The following GALR1 variants were observed in gnomAD, a reference collection of about 807,000 sequenced individuals.
The protein encoded by GALR1 is galanin receptor type 1.
A neutral mutation model predicts 17.9 loss-of-function variants in GALR1; 11 were observed. That is an observed-to-expected ratio of 0.62 (90% CI 0.39 to 1.02). The LOEUF (loss-of-function observed/expected upper bound fraction) is 1.02, where lower values mean the gene tolerates loss of function less well. Ranked by LOEUF, GALR1 falls within the 50% of genes least tolerant of loss-of-function variation. GALR1 has a pLI of 0.01. For missense variants in GALR1, 441 were observed against 456.9 expected (o/e 0.97, Z 0.32); for synonymous variants, 206 against 205.7 (o/e 1.00, Z -0.01).
chr18:77,268,241 G>C (rs1243955998), intron 2 of GALR1, among the ~76,000 whole-genome samples: 1 of 151,894 alleles, frequency 6.6e-6, no homozygotes, highest in Admixed American at 6.6e-5. Context: ...GAACAGTTTT[G>C]CTAGTTTAAA....
At chr18:77,262,257 G>T (rs1159742853) in intron 2 of GALR1, among the ~76,000 whole-genome samples, 2 of 151,976 alleles carry the variant, frequency 1.3e-5, no homozygotes, top group East Asian at 1.9e-4. Flanking sequence ...TTGAGGATGG[G>T]CATACTAACC....
Position 77,270,375 on chromosome 18 carries a change from T to A in GALR1, c.*1473T>A, listed in dbSNP as rs932826350. The A allele has an allele frequency of 2.6e-5, 4 of 152,126 alleles. No homozygotes were observed. Among genetic ancestry groups the A allele is most frequent in the African/African-American group, 9.7e-5 (4 of 41,372 alleles). The allele number at this position is 152,126 out of a possible 1,614,324, so 9.4% of individuals were successfully genotyped here. ...ACTAAAAATACAAAAATTAGCTGGGTGTGGTGGCGCACGCCTGTAGTTTCA... is the reference window on the plus strand; with the variant it reads ...ACTAAAAATACAAAAATTAGCTGGGAGTGGTGGCGCACGCCTGTAGTTTCA... On this transcript the variant is annotated 3_prime_UTR_variant, in exon 3 of 3. Transcript: ENST00000299727.
rs778691702 is a variant in GALR1, at chr18:77,268,723, C to A, written c.871C>A (p.Leu291Met). ...SFLFRITAHC[L>M]AYSNSSVNPI... ...CCTCTTCAGAATCACCGCCCACTGCCTGGCGTACAGCAATTCCTCCGTGAA... is the reference window on the plus strand; with the variant it reads ...CCTCTTCAGAATCACCGCCCACTGCATGGCGTACAGCAATTCCTCCGTGAA... Residue 291 changes from leucine (L) to methionine (M), a missense_variant, in exon 3 of 3, where the codon CTG becomes ATG. Coordinates refer to ENST00000299727, the MANE Select transcript of GALR1 (RefSeq NM_001480.4). 1 of 1,614,060 alleles carries A rather than the reference C, an allele frequency of 6.2e-7. No individual in the cohort carries two copies. Among genetic ancestry groups the A allele is most frequent in the African/African-American group, 1.3e-5 (1 of 74,926 alleles).
chr18:77,255,564 A>G lies in GALR1; in HGVS notation c.667-594A>G, dbSNP rs117736688. On this transcript the variant is annotated intron_variant, in intron 1 of 2. Transcript: ENST00000299727. ...GGTGATTTGCCATACGGAGAATTGC[A>G]GTGGAGGCAGCCCATAAGAGGAAGG... Among the ~76,000 whole-genome samples, 92 of 152,364 alleles carry G rather than the reference A, an allele frequency of 6.0e-4. 1 individual carries two copies. The East Asian group carries it at 8.5e-3, about 14-fold the overall frequency.
chr18:77,258,827 CTGGTGATGGTGG>C (rs1912695137), intron 2 of GALR1, among the ~76,000 whole-genome samples: 1 of 20,450 alleles, frequency 4.9e-5, no homozygotes, highest in South Asian at 2.0e-3. Flanking sequence ...GGTGGTGGTG[CTGGTGATGGTGG>C]TGATGGTGGT....
In GALR1 at chr18:77,250,680, C is replaced by G. The variant is rs768184332; in HGVS notation, c.132C>G (p.Phe44Leu). 1.4e-5 allele frequency: 22 copies of G among 1,612,716 alleles called. No individual in the cohort carries two copies. Among genetic ancestry groups the G allele is most frequent in the Non-Finnish European group, 1.9e-5 (22 of 1,179,808 alleles). ...CGCTGGTGGTGTTCGGCCTGATCTT[C>G]GCGCTGGGTGTGCTGGGCAACAGCC... is the stretch of plus-strand genomic sequence containing the variant. ...FVTLVVFGLI[F>L]ALGVLGNSLV... Residue 44 changes from phenylalanine (F) to leucine (L), a missense_variant, in exon 1 of 3, where the codon TTC (phenylalanine) becomes TTG (leucine). Transcript: ENST00000299727.
intron 2 of GALR1, among the ~76,000 whole-genome samples, chr18:77,265,396 G>C (rs989986070): frequency 1.3e-5 from 2 of 152,206 alleles, no homozygotes; most frequent in Admixed American, 6.5e-5. Context: ...GCTTTGCAGG[G>C]CATAGCCCCC....
In GALR1 at chr18:77,277,039, A is replaced by G. The variant is rs1913171104; in HGVS notation, c.*8137A>G. ...TTGTTAGATGTGAAGTTTTGAACCC[A>G]GTGTTTAAACTCAGTGTTTAAATAT... On this transcript the variant is annotated 3_prime_UTR_variant, in exon 3 of 3. Coordinates refer to ENST00000299727, the MANE Select transcript of GALR1 (RefSeq NM_001480.4). 1 of 152,252 alleles carries G rather than the reference A, an allele frequency of 6.6e-6. No homozygotes were observed. Among genetic ancestry groups the G allele is most frequent in the African/African-American group, 2.4e-5 (1 of 41,466 alleles). The allele number at this position is 152,252 out of a possible 1,614,324, so 9.4% of individuals were successfully genotyped here.
intron 2 of GALR1, among the ~76,000 whole-genome samples, chr18:77,258,863 G>A (rs62654097): frequency 0.074 from 2,032 of 27,338 alleles, 137 homozygotes; most frequent in African/African-American, 0.19. Flanking sequence ...GATGGTGGTG[G>A]TGATGGTGGT....
chr18:77,251,052 G>T lies in GALR1; in HGVS notation c.504G>T (p.Ser168=), dbSNP rs149293813. The T allele has an allele frequency of 6.2e-7, 1 of 1,607,458 alleles. No individual in the cohort carries two copies. The highest frequency in any genetic ancestry group is 1.1e-5 in the South Asian group (1 of 91,082). The part of the protein sequence containing the change: ...CIWALSIAMA[S]PVAYHQGLFH... ...GGGCGCTGTCCATTGCCATGGCCTC[G>T]CCCGTGGCCTACCACCAGGGCCTCT... The change falls in exon 1 of 3, where the codon TCG becomes TCT. Residue 168 remains serine, a synonymous_variant. Coordinates refer to ENST00000299727, the MANE Select transcript of GALR1 (RefSeq NM_001480.4).
Position 77,253,433 on chromosome 18 carries a change from C to T in GALR1, c.666+2219C>T, listed in dbSNP as rs541349847. Among the ~76,000 whole-genome samples the T allele has an allele frequency of 3.3e-5, 5 of 152,280 alleles. No homozygotes were observed. In the South Asian group the frequency reaches 8.3e-4, roughly 25 times the overall value. ...TCTTAACATATATGGCTGTTAAGTT[C>T]CTAATTACTGTGGAGAACTGAAGCA... On this transcript the variant is annotated intron_variant, in intron 1 of 2. Coordinates refer to ENST00000299727, the MANE Select transcript of GALR1 (RefSeq NM_001480.4).
chr18:77,262,440 C>G (rs1182673963), intron 2 of GALR1, among the ~76,000 whole-genome samples: 2 of 152,198 alleles, frequency 1.3e-5, no homozygotes, highest in African/African-American at 2.4e-5. Context: ...CGTGTCCCAT[C>G]TTCTACCAGC....
At position 77,276,905 on chromosome 18, in the gene GALR1, G is replaced by C. The variant is rs1303195174; in HGVS notation, c.*8003G>C. 6.6e-6 allele frequency: 1 copy of C among 152,130 alleles called. No individual in the cohort carries two copies. The highest frequency in any genetic ancestry group is 1.5e-5 in the Non-Finnish European group (1 of 68,018). The allele number at this position is 152,130 out of a possible 1,614,324, so 9.4% of individuals were successfully genotyped here. ...ATAACTTGTAAGACTTTCAGAGATTGTTATAATTTTTGCCTCAAAAAAATA... is the reference window on the plus strand; with the variant it reads ...ATAACTTGTAAGACTTTCAGAGATTCTTATAATTTTTGCCTCAAAAAAATA... On this transcript the variant is annotated 3_prime_UTR_variant, in exon 3 of 3. Coordinates refer to ENST00000299727, the MANE Select transcript of GALR1 (RefSeq NM_001480.4).
In GALR1 at chr18:77,250,960, G is replaced by C. The variant is rs375468486; in HGVS notation, c.412G>C (p.Val138Leu). Residue 138 changes from valine (V) to leucine (L), a missense_variant, in exon 1 of 3, where the codon GTG (valine) becomes CTG (leucine). Coordinates refer to ENST00000299727, the MANE Select transcript of GALR1 (RefSeq NM_001480.4). ...AMSVDRYVAIVHSRRSSSLRV... is the reference protein window; with the variant it reads ...AMSVDRYVAILHSRRSSSLRV... The stretch of plus-strand genomic sequence containing the variant: ...GTCCGTGGACCGCTACGTGGCCATC[G>C]TGCACTCGCGGCGCTCCTCCTCCCT... 1.2e-6 allele frequency: 2 copies of C among 1,604,050 alleles called. No individual in the cohort carries two copies. Among genetic ancestry groups the C allele is most frequent in the Non-Finnish European group, 1.7e-6 (2 of 1,179,926 alleles).
chr18:77,257,129 G>T (rs1013813143), intron 2 of GALR1, among the ~76,000 whole-genome samples: 4 of 152,064 alleles, frequency 2.6e-5, no homozygotes, highest in African/African-American at 9.7e-5. Flanking sequence ...GTTTAATCAT[G>T]TTTACTTAAA....
Position 77,251,002 on chromosome 18 carries a change from G to A in GALR1, c.454G>A (p.Ala152Thr), listed in dbSNP as rs1026231983. Residue 152 changes from alanine to threonine, a missense_variant, in exon 1 of 3, where the codon GCG becomes ACG. By Grantham distance (58) the Ala-to-Thr change is moderately conservative (BLOSUM62 0). Coordinates refer to ENST00000299727, the MANE Select transcript of GALR1 (RefSeq NM_001480.4). ...CTCCTCCCTCAGGGTGTCCCGCAAC[G>A]CGCTGCTGGGCGTGGGCTGCATCTG... is the stretch of plus-strand genomic sequence containing the variant. Reference protein sequence around the residue: ...RSSSLRVSRNALLGVGCIWAL... With the variant: ...RSSSLRVSRNTLLGVGCIWAL... 6.9e-6 allele frequency: 11 copies of A among 1,604,548 alleles called. No homozygotes were observed. Among genetic ancestry groups the A allele is most frequent in the Admixed American group, 1.7e-5 (1 of 59,972 alleles).
At chr18:77,259,434 G>A (rs1912767666) in intron 2 of GALR1, among the ~76,000 whole-genome samples, 1 of 151,276 alleles carries the variant, frequency 6.6e-6, no homozygotes, top group Admixed American at 6.6e-5. Flanking sequence ...TGGTCATGGT[G>A]GTGATGATGG....
Position 77,269,091 on chromosome 18 carries a change from TA to T in GALR1, c.*190del. On this transcript the variant is annotated 3_prime_UTR_variant, in exon 3 of 3. Coordinates refer to ENST00000299727, the MANE Select transcript of GALR1 (RefSeq NM_001480.4). ...GGAAATTCCTAGGTCTAGTGAGAATTATTTTTCAATTTTATTTTAGTTCTAA... is the reference window on the plus strand; with the variant it reads ...GGAAATTCCTAGGTCTAGTGAGAATTTTTTTCAATTTTATTTTAGTTCTAA... The T allele has an allele frequency of 1.8e-6, 1 of 568,922 alleles. No individual in the cohort carries two copies. The highest frequency in any genetic ancestry group is 2.3e-5 in the South Asian group (1 of 42,810). The allele number at this position is 568,922 out of a possible 1,614,324, so 35.2% of individuals were successfully genotyped here.
rs1461472805 is a variant in GALR1, at chr18:77,274,246, C to T, written c.*5344C>T. ...CATAATGGAGAAAAATGCAGATGGT[C>T]CTGTGGCTGGTGTGAATGAAGAATG... On this transcript the variant is annotated 3_prime_UTR_variant, in exon 3 of 3. Coordinates refer to ENST00000299727, the MANE Select transcript of GALR1 (RefSeq NM_001480.4). 6.6e-6 allele frequency: 1 copy of T among 151,892 alleles called. No individual in the cohort carries two copies. The highest frequency in any genetic ancestry group is 1.5e-5 in the Non-Finnish European group (1 of 67,952). The allele number at this position is 151,892 out of a possible 1,614,324, so 9.4% of individuals were successfully genotyped here.
Sources: gnomAD v4.1 joint callset for allele counts (sites outside exome capture counted in the v4.1 genomes callset) on GRCh38, gnomAD v4.1.1 for gene constraint, MANE v1.5 for transcripts, NCBI Gene and HGNC (gene_info 2026-07-23, HGNC 2026-07-21) for gene names.